The following LGR4 variants were observed in gnomAD, a reference collection of about 807,000 sequenced individuals.
LGR4 encodes leucine-rich repeat-containing G protein-coupled receptor 4.
A neutral mutation model predicts 84.8 loss-of-function variants in LGR4; 44 were observed. The observed-to-expected ratio is 0.52, with a 90% CI of 0.41 to 0.67. The LOEUF (loss-of-function observed/expected upper bound fraction) is 0.67, where lower values mean the gene tolerates loss of function less well. LGR4 is among the 30% of genes least tolerant of loss of function. The pLI is 0.00. For synonymous variants in LGR4, 429 were observed against 434.3 expected (o/e 0.99, Z 0.15); for missense variants, 1,032 against 1,131.4 (o/e 0.91, Z 1.26).
intron 1 of LGR4, among the ~76,000 whole-genome samples, chr11:27,439,226 C>T (rs557854446): frequency 3.3e-5 from 5 of 152,142 alleles, no homozygotes; most frequent in Non-Finnish European, 5.9e-5. Flanking sequence ...CCCTATTCCC[C>T]ACTCCCCCTA....
At chr11:27,424,170 C>T (rs1403220862) in intron 1 of LGR4, among the ~76,000 whole-genome samples, 1 of 152,156 alleles carries the variant, frequency 6.6e-6, no homozygotes, top group Admixed American at 6.5e-5. Context: ...ATTCCTCTAA[C>T]CTCCAGCAAA....
At chr11:27,392,560 A>T in intron 2 of LGR4, 42 bp from the exon 3 acceptor site, 1 of 1,485,524 alleles carries the variant, frequency 6.7e-7, no homozygotes, top group African/African-American at 1.4e-5. Context: ...AAAAATAGTA[A>T]TTCAGACTTA....
At chr11:27,433,527 G>A (rs1864153650) in intron 1 of LGR4, among the ~76,000 whole-genome samples, 1 of 151,698 alleles carries the variant, frequency 6.6e-6, no homozygotes, top group Non-Finnish European at 1.5e-5. Flanking sequence ...CACCATGCCC[G>A]GCCCACTCTT....
At chr11:27,388,896 T>C (rs1863233068) in intron 4 of LGR4, among the ~76,000 whole-genome samples, 1 of 152,140 alleles carries the variant, frequency 6.6e-6, no homozygotes, top group South Asian at 2.1e-4. Flanking sequence ...TGACATGTCA[T>C]TTTAATACCC....
intron 1 of LGR4, among the ~76,000 whole-genome samples, chr11:27,436,023 T>C (rs1864201000): frequency 6.6e-6 from 1 of 151,924 alleles, no homozygotes; most frequent in Non-Finnish European, 1.5e-5. Flanking sequence ...GCCATTCTCC[T>C]GCCTCAGCCT....
intron 2 of LGR4, among the ~76,000 whole-genome samples, chr11:27,400,824 T>G (rs997458851): frequency 2.6e-5 from 4 of 152,126 alleles, no homozygotes; most frequent in Non-Finnish European, 5.9e-5. Context: ...TACCGTTGAC[T>G]TCAAGAGGAC....
chr11:27,445,184 G>T (rs1864368286), intron 1 of LGR4, among the ~76,000 whole-genome samples: 1 of 151,938 alleles, frequency 6.6e-6, no homozygotes, highest in African/African-American at 2.4e-5. Flanking sequence ...CTCCTTTAGG[G>T]TACTCTCATA....
chr11:27,466,538 A>G (rs1350111442), intron 1 of LGR4, among the ~76,000 whole-genome samples: 1 of 152,224 alleles, frequency 6.6e-6, no homozygotes, highest in Admixed American at 6.5e-5. Context: ...CCTGACAGAG[A>G]CAGAGGCCAA....
At position 27,472,363 on chromosome 11, in the gene LGR4, A is replaced by T. The variant is rs1864895713; in HGVS notation, c.-61T>A. On this transcript the variant is annotated 5_prime_UTR_variant, in exon 1 of 18. Transcript: ENST00000379214. ...GCGCTGCTCGCTCCGCTGCCCTCCG[A>T]TGTCCCCCGCCGCCCCCGGGCAGCC... 1 of 1,159,218 alleles carries T rather than the reference A, an allele frequency of 8.6e-7. No homozygotes were observed. The highest frequency in any genetic ancestry group is 1.1e-6 in the Non-Finnish European group (1 of 931,580). 71.8% of individuals were successfully genotyped at this position (1,159,218 alleles called of 1,614,324 possible). A position where few individuals can be genotyped will look rare whatever the true frequency, so the allele number is the denominator to read the frequency against.
At chr11:27,471,761 A>C in intron 1 of LGR4, 2 of 167,842 alleles carry the variant, frequency 1.2e-5, no homozygotes, top group Non-Finnish European at 1.3e-5. Flanking sequence ...TGAGAAGGGA[A>C]GGTCGCGTGG....
intron 3 of LGR4, 33 bp downstream of exon 3, chr11:27,392,414 C>A: frequency 6.7e-7 from 1 of 1,498,024 alleles, no homozygotes. Flanking sequence ...AAATACACAG[C>A]CAGCTGTGAA....
Position 27,374,059 on chromosome 11 carries a change from G to C in LGR4, c.1182-13C>G. ...TCTACTCAGATCTCTGCAATTATAA[G>C]AGTAACATGTTAATCTTTCAAATAA... On this transcript the variant is annotated splice_polypyrimidine_tract_variant and intron_variant, in intron 13 of 17. Transcript: ENST00000379214. The C allele has an allele frequency of 6.4e-7, 1 of 1,568,034 alleles. No individual in the cohort carries two copies. Among genetic ancestry groups the C allele is most frequent in the Non-Finnish European group, 8.8e-7 (1 of 1,138,440 alleles).
chr11:27,384,207 A>G (rs1863147488), intron 6 of LGR4, 129 bp downstream of exon 6: 1 of 638,862 alleles, frequency 1.6e-6, no homozygotes, highest in African/African-American at 1.8e-5. Context: ...GCAAGAATTT[A>G]ATCCAGTATC....
chr11:27,368,005 A>G lies in LGR4; in HGVS notation c.2718T>C (p.Ser906=). 10 of 1,614,112 alleles carry G rather than the reference A, an allele frequency of 6.2e-6. No individual in the cohort carries two copies. Among genetic ancestry groups the G allele is most frequent in the Non-Finnish European group, 8.5e-6 (10 of 1,179,958 alleles). The change falls in exon 18 of 18, where the codon TCT becomes TCC. Residue 906 remains serine (S), a synonymous_variant. Coordinates refer to ENST00000379214, the MANE Select transcript of LGR4 (RefSeq NM_018490.5). ...WSDCGTQSAH[S]DYADEEDSFV... ...AGGAATCTTCTTCATCTGCATAATCAGAGTGGGCCGACTGTGTGCCACAGT... is the reference window on the plus strand; with the variant it reads ...AGGAATCTTCTTCATCTGCATAATCGGAGTGGGCCGACTGTGTGCCACAGT...
chr11:27,374,786 C>A (rs868838624), intron 13 of LGR4, among the ~76,000 whole-genome samples: 4 of 152,112 alleles, frequency 2.6e-5, no homozygotes, highest in Non-Finnish European at 4.4e-5. Flanking sequence ...AAAGTGATGG[C>A]AACTAGGAGC....
chr11:27,368,157 T>A lies in LGR4; in HGVS notation c.2566A>T (p.Thr856Ser). Residue 856 changes from threonine to serine, a missense_variant, in exon 18 of 18, where the codon ACT becomes TCT. By Grantham distance (58) the Thr-to-Ser change is moderately conservative. Coordinates refer to ENST00000379214, the MANE Select transcript of LGR4 (RefSeq NM_018490.5). ...AACGATTCGCAGCAGTCGCAAACAG[T>A]CAGGTTGCCCTGCAAATGTGAGTAC... is the stretch of plus-strand genomic sequence containing the variant. ...GMYSHLQGNLTVCDCCESFLL... is the reference protein window; with the variant it reads ...GMYSHLQGNLSVCDCCESFLL... The A allele has an allele frequency of 1.2e-6, 2 of 1,614,230 alleles. No homozygotes were observed. Among genetic ancestry groups the A allele is most frequent in the Non-Finnish European group, 1.7e-6 (2 of 1,180,042 alleles).
intron 10 of LGR4, 69 bp from the exon 11 acceptor site, chr11:27,378,837 T>C: frequency 3.9e-6 from 4 of 1,032,522 alleles, no homozygotes; most frequent in East Asian, 4.8e-5. Flanking sequence ...TATTCCCATA[T>C]AGAATAAGTG....
intron 2 of LGR4, among the ~76,000 whole-genome samples, chr11:27,404,708 G>A (rs968625620): frequency 3.3e-5 from 5 of 152,106 alleles, no homozygotes; most frequent in Non-Finnish European, 5.9e-5. Context: ...TGGCCAATCA[G>A]GATCCCCCTA....
Position 27,368,156 on chromosome 11 carries a change from G to T in LGR4, c.2567C>A (p.Thr856Asn), listed in dbSNP as rs1351265659. 12 of 1,614,242 alleles carry T rather than the reference G, an allele frequency of 7.4e-6. No homozygotes were observed. The highest frequency in any genetic ancestry group is 9.3e-6 in the Non-Finnish European group (11 of 1,180,052). The change falls in exon 18 of 18, where the codon ACT (threonine) becomes AAT (asparagine). Residue 856 changes from threonine (T) to asparagine (N), a missense_variant. Transcript: ENST00000379214. ...AAACGATTCGCAGCAGTCGCAAACAGTCAGGTTGCCCTGCAAATGTGAGTA... is the reference window on the plus strand; with the variant it reads ...AAACGATTCGCAGCAGTCGCAAACATTCAGGTTGCCCTGCAAATGTGAGTA... ...GMYSHLQGNL[T>N]VCDCCESFLL...
Sources: gnomAD v4.1 joint callset for allele counts (sites outside exome capture counted in the v4.1 genomes callset) on GRCh38, gnomAD v4.1.1 for gene constraint, MANE v1.5 for transcripts, NCBI Gene and HGNC (gene_info 2026-07-23, HGNC 2026-07-21) for gene names.